AFG2A: variants seen among roughly 807,000 people sequenced by gnomAD.
AFG2A encodes AAA ATPase AFG2A, also known as ATPase family gene 2 protein homolog A.
At chr4:123,051,015 G>A in the AFG2A span, among the ~76,000 whole-genome samples, 2 of 151,984 alleles carry the variant, frequency 1.3e-5, no homozygotes, top group African/African-American at 4.8e-5. Flanking sequence ...GATTACAGGT[G>A]TGAGGGTCTT....
the AFG2A span, among the ~76,000 whole-genome samples, chr4:123,043,281 ACTTTCT>A: frequency 2.0e-5 from 3 of 152,116 alleles, no homozygotes; most frequent in East Asian, 1.9e-4. Context: ...TTCTCTTAAG[ACTTTCT>A]CTTTCTTATC....
At chr4:123,260,361 A>G in the AFG2A span, among the ~76,000 whole-genome samples, 1,453 of 152,288 alleles carry the variant, frequency 9.5e-3, 11 homozygotes, top group Non-Finnish European at 0.015. Context: ...TTTGTAGTCT[A>G]TGCCTTCCTG....
the AFG2A span, among the ~76,000 whole-genome samples, chr4:123,064,319 A>G: frequency 6.6e-6 from 1 of 152,124 alleles, no homozygotes; most frequent in African/African-American, 2.4e-5. Context: ...TTGAGGGAGG[A>G]AGGGGAGTTG....
the AFG2A span, among the ~76,000 whole-genome samples, chr4:123,170,360 G>A: frequency 2.6e-5 from 4 of 152,108 alleles, no homozygotes; most frequent in East Asian, 7.7e-4. Flanking sequence ...AAATTAATCA[G>A]TGTCTTTATT....
chr4:123,009,599 C>A, the AFG2A span, among the ~76,000 whole-genome samples: 2 of 152,142 alleles, frequency 1.3e-5, no homozygotes, highest in East Asian at 3.9e-4. Flanking sequence ...ATGTGGTCAT[C>A]ATGTTTCTAG....
At chr4:123,280,608 G>A in the AFG2A span, among the ~76,000 whole-genome samples, 1 of 152,174 alleles carries the variant, frequency 6.6e-6, no homozygotes, top group African/African-American at 2.4e-5. Flanking sequence ...CTTGGTTCAT[G>A]GCCTTTTCCT....
chr4:123,098,181 T>C, the AFG2A span, among the ~76,000 whole-genome samples: 2 of 152,058 alleles, frequency 1.3e-5, no homozygotes, highest in African/African-American at 4.8e-5. Flanking sequence ...TTAGTAGCCT[T>C]TAATGTCTGT....
chr4:123,245,562 ATAACT>A, the AFG2A span, among the ~76,000 whole-genome samples: 12 of 152,228 alleles, frequency 7.9e-5, no homozygotes, highest in African/African-American at 2.7e-4. Context: ...TGCTAATAAA[ATAACT>A]TAAGTATGTG....
At chr4:123,280,182 A>G in the AFG2A span, among the ~76,000 whole-genome samples, 1 of 152,158 alleles carries the variant, frequency 6.6e-6, no homozygotes, top group African/African-American at 2.4e-5. Flanking sequence ...TAGTGAACCT[A>G]TCTGAGACTC....
chr4:122,994,050 A>G, the AFG2A span, among the ~76,000 whole-genome samples: 1 of 152,122 alleles, frequency 6.6e-6, no homozygotes, highest in Non-Finnish European at 1.5e-5. Context: ...AATAAACCCC[A>G]TATTAAATGA....
At chr4:123,306,420 T>C in the AFG2A span, among the ~76,000 whole-genome samples, 1 of 152,240 alleles carries the variant, frequency 6.6e-6, no homozygotes, top group Non-Finnish European at 1.5e-5. Flanking sequence ...TGTCTTCGTC[T>C]AGCTCTGACA....
the AFG2A span, among the ~76,000 whole-genome samples, chr4:123,059,431 A>G: frequency 6.6e-6 from 1 of 150,934 alleles, no homozygotes; most frequent in Non-Finnish European, 1.5e-5. Flanking sequence ...GAGATAGTTT[A>G]CTGAGAATGA....
the AFG2A span, among the ~76,000 whole-genome samples, chr4:123,157,474 G>A: frequency 9.9e-5 from 15 of 152,036 alleles, no homozygotes; most frequent in Non-Finnish European, 2.1e-4. Flanking sequence ...TTTGATTATT[G>A]CATTCATGTT....
At chr4:123,024,227 C>CAAAAAAAAAAAAAAAAAAAAA in the AFG2A span, among the ~76,000 whole-genome samples, 2 of 123,632 alleles carry the variant, frequency 1.6e-5, no homozygotes, top group African/African-American at 3.2e-5. Flanking sequence ...AGACTATAAG[C>CAAAAAAAAAAAAAAAAAAAAA]AAAAAAAAAA....
At chr4:123,016,948 C>T in the AFG2A span, among the ~76,000 whole-genome samples, 1,763 of 151,278 alleles carry the variant, frequency 0.012, 13 homozygotes, top group Middle Eastern at 0.082. Context: ...AGCGAAACCC[C>T]GTCTCCACCA....
the AFG2A span, among the ~76,000 whole-genome samples, chr4:123,179,933 A>C: frequency 9.6e-4 from 146 of 152,268 alleles, no homozygotes; most frequent in Non-Finnish European, 1.6e-3. Flanking sequence ...TAGTAGTATA[A>C]CCATGGCCAG....
chr4:122,968,820 G>A, the AFG2A span, among the ~76,000 whole-genome samples: 1 of 152,086 alleles, frequency 6.6e-6, no homozygotes, highest in Admixed American at 6.6e-5. Flanking sequence ...CGTGGGTGCT[G>A]ACATGGAGTT....
chr4:122,938,334 G>A, the AFG2A span: 1 of 1,311,058 alleles, frequency 7.6e-7, no homozygotes, highest in South Asian at 2.7e-5. Flanking sequence ...ATGTGTCAGA[G>A]TCTTTGGATA....
the AFG2A span, among the ~76,000 whole-genome samples, chr4:122,946,247 G>C: frequency 1.3e-5 from 2 of 152,190 alleles, no homozygotes; most frequent in East Asian, 1.9e-4. Context: ...AAGGGTTCTT[G>C]GTAGGTAGGA....
Sources: gnomAD v4.1 joint callset for allele counts (sites outside exome capture counted in the v4.1 genomes callset) on GRCh38, gnomAD v4.1.1 for gene constraint, MANE v1.5 for transcripts, NCBI Gene and HGNC (gene_info 2026-07-23, HGNC 2026-07-21) for gene names.